The following ADAMTS19 variants were observed in gnomAD, a reference collection of about 807,000 sequenced individuals.
ADAMTS19 encodes ADAM metallopeptidase with thrombospondin type 1 motif 19, also known as A disintegrin and metalloproteinase with thrombospondin motifs 19.
ADAMTS19 carries 93 observed loss-of-function variants against 153.3 expected under a neutral mutation model. That is an observed-to-expected ratio of 0.61 (90% CI 0.51 to 0.72). The LOEUF is 0.72. ADAMTS19 is among the 30% of genes least tolerant of loss of function. The pLI is 0.00. For missense variants in ADAMTS19, 1,482 were observed against 1,552.1 expected (o/e 0.95, Z 0.76); for synonymous variants, 600 against 556.6 (o/e 1.08, Z -1.10).
At chr5:129,468,417 G>A (rs1412714926) in intron 2 of ADAMTS19, among the ~76,000 whole-genome samples, 1 of 152,152 alleles carries the variant, frequency 6.6e-6, no homozygotes. Context: ...GCAGTGGCAC[G>A]ATGTCGGCTC....
intron 2 of ADAMTS19, among the ~76,000 whole-genome samples, chr5:129,508,153 C>G (rs1169613528): frequency 6.6e-6 from 1 of 151,630 alleles, no homozygotes; most frequent in Non-Finnish European, 1.5e-5. Context: ...GAATTAAGAA[C>G]TTTGATATTA....
chr5:129,699,916 T>G (rs1374623884), intron 19 of ADAMTS19, among the ~76,000 whole-genome samples: 2 of 152,188 alleles, frequency 1.3e-5, no homozygotes, highest in Non-Finnish European at 2.9e-5. Flanking sequence ...TAATAAACCC[T>G]TTTACAAATT....
At chr5:129,612,286 C>T (rs1388934497) in intron 8 of ADAMTS19, among the ~76,000 whole-genome samples, 3 of 151,626 alleles carry the variant, frequency 2.0e-5, no homozygotes, top group Non-Finnish European at 4.4e-5. Flanking sequence ...CATCCATGTC[C>T]CTACAAAGGA....
Position 129,532,441 on chromosome 5 carries a change from T to C in ADAMTS19, c.1328+3764T>C, listed in dbSNP as rs557890594. Among the ~76,000 whole-genome samples the C allele has an allele frequency of 2.8e-4, 42 of 152,248 alleles. No homozygotes were observed. In the South Asian group the frequency reaches 5.6e-3, roughly 20 times the overall value. On this transcript the variant is annotated intron_variant, in intron 6 of 22. Transcript: ENST00000274487. Reference sequence around the variant, plus strand: ...ACTTGAAAGGCTTCAGTTATAAAAATTGAAAATACTCAATGATGGTGAGGA... The same window carrying C: ...ACTTGAAAGGCTTCAGTTATAAAAACTGAAAATACTCAATGATGGTGAGGA...
chr5:129,610,039 A>C (rs1429761903), intron 8 of ADAMTS19, among the ~76,000 whole-genome samples: 18 of 152,118 alleles, frequency 1.2e-4, no homozygotes, highest in Admixed American at 1.2e-3. Context: ...AAGGAAGTAA[A>C]AAGAAAATAT....
intron 7 of ADAMTS19, among the ~76,000 whole-genome samples, chr5:129,554,488 G>A (rs1753245153): frequency 6.6e-6 from 1 of 152,072 alleles, no homozygotes. Context: ...GATGGTTAGA[G>A]CTTGATCATA....
At chr5:129,645,922 T>A (rs1355680834) in intron 11 of ADAMTS19, among the ~76,000 whole-genome samples, 2 of 137,862 alleles carry the variant, frequency 1.5e-5, no homozygotes, top group Non-Finnish European at 3.1e-5. Context: ...GGAGTCTCGC[T>A]CTGTCGCCCA....
Position 129,537,718 on chromosome 5 carries a change from T to G in ADAMTS19, c.1328+9041T>G, listed in dbSNP as rs996025165. On this transcript the variant is annotated intron_variant, in intron 6 of 22. Transcript: ENST00000274487. Reference sequence around the variant, plus strand: ...GCATGTTCTCACTCATAGGTGGGAATTGAACAATGAGAACACATGGACACA... The same window carrying G: ...GCATGTTCTCACTCATAGGTGGGAAGTGAACAATGAGAACACATGGACACA... 3.5e-4 allele frequency among the ~76,000 whole-genome samples: 53 copies of G among 151,736 alleles called. 1 individual carries two copies. The highest frequency in any genetic ancestry group is 3.2e-3 in the Admixed American group (49 of 15,192).
intron 2 of ADAMTS19, among the ~76,000 whole-genome samples, chr5:129,472,791 C>G (rs1382234402): frequency 6.7e-6 from 1 of 150,036 alleles, no homozygotes; most frequent in Admixed American, 6.7e-5. Flanking sequence ...TTCTTAAATA[C>G]AATTTTATAT....
At chr5:129,657,821 T>G (rs1470247615) in intron 14 of ADAMTS19, among the ~76,000 whole-genome samples, 1 of 152,220 alleles carries the variant, frequency 6.6e-6, no homozygotes, top group Admixed American at 6.5e-5. Context: ...CTTTAAAAGT[T>G]AAGCCATCCA....
At chr5:129,623,249 T>G (rs30710) in intron 10 of ADAMTS19, among the ~76,000 whole-genome samples, 2 of 152,092 alleles carry the variant, frequency 1.3e-5, no homozygotes, top group South Asian at 2.1e-4. Flanking sequence ...TGTTAGGTCC[T>G]TAAAATCTAA....
chr5:129,725,077 T>A (rs1159203517), intron 21 of ADAMTS19, among the ~76,000 whole-genome samples: 1 of 152,130 alleles, frequency 6.6e-6, no homozygotes, highest in Non-Finnish European at 1.5e-5. Flanking sequence ...AGAAATGATT[T>A]GGGGGCTGCT....
chr5:129,531,286 G>A (rs1290359046), intron 6 of ADAMTS19, among the ~76,000 whole-genome samples: 3 of 152,138 alleles, frequency 2.0e-5, no homozygotes, highest in African/African-American at 7.2e-5. Context: ...GTACTAATTT[G>A]TAAAGGCAGA....
At chr5:129,507,735 T>C (rs1317689809) in intron 2 of ADAMTS19, among the ~76,000 whole-genome samples, 1 of 143,576 alleles carries the variant, frequency 7.0e-6, no homozygotes, top group Non-Finnish European at 1.5e-5. Flanking sequence ...AGAGAGAGAT[T>C]GAGACATAGG....
chr5:129,543,136 G>A (rs1381203747), intron 6 of ADAMTS19, among the ~76,000 whole-genome samples: 4 of 149,654 alleles, frequency 2.7e-5, no homozygotes, highest in Admixed American at 6.7e-5. Context: ...CACAACCTCC[G>A]CCTCCCAGGT....
In ADAMTS19 at chr5:129,490,062, G is replaced by A. The variant is rs189386660; in HGVS notation, c.748-19015G>A. ...AACCCAAGTAATATTGTACTCATGGGCAATTTGTACATTAATTTTTCAGGC... is the reference window on the plus strand; with the variant it reads ...AACCCAAGTAATATTGTACTCATGGACAATTTGTACATTAATTTTTCAGGC... On this transcript the variant is annotated intron_variant, in intron 2 of 22. Transcript: ENST00000274487. Among the ~76,000 whole-genome samples, 162 of 152,184 alleles carry A rather than the reference G, an allele frequency of 1.1e-3. 1 individual carries two copies. Among genetic ancestry groups the A allele is most frequent in the Middle Eastern group, 3.4e-3 (1 of 294 alleles).
intron 7 of ADAMTS19, among the ~76,000 whole-genome samples, chr5:129,578,398 A>G (rs1241312554): frequency 6.9e-6 from 1 of 143,894 alleles, no homozygotes; most frequent in South Asian, 2.3e-4. Flanking sequence ...ACCTATATGC[A>G]TGTATATGTA....
intron 16 of ADAMTS19, among the ~76,000 whole-genome samples, chr5:129,674,182 G>A (rs1342310231): frequency 1.3e-5 from 2 of 151,476 alleles, no homozygotes; most frequent in African/African-American, 4.9e-5. Context: ...AATGAACTGA[G>A]ATCACACTAT....
chr5:129,466,124 G>A (rs940269232), intron 2 of ADAMTS19, among the ~76,000 whole-genome samples: 10 of 152,304 alleles, frequency 6.6e-5, no homozygotes, highest in African/African-American at 2.2e-4. Flanking sequence ...AGAGAATAGA[G>A]GCAGAGCTTA....
Sources: allele counts gnomAD v4.1 joint callset (sites outside exome capture counted in the v4.1 genomes callset), GRCh38; gene constraint gnomAD v4.1.1; transcripts MANE v1.5; gene names NCBI Gene and HGNC (gene_info 2026-07-23, HGNC 2026-07-21).